Variants in NAMPT observed in about 807,000 individuals in gnomAD.
The protein encoded by NAMPT is NAmPRTase.
Under a neutral mutation model 58.7 loss-of-function variants are expected in NAMPT, and 7 were observed. That is an observed-to-expected ratio of 0.12 (90% CI 0.07 to 0.22). The LOEUF (loss-of-function observed/expected upper bound fraction) is 0.22. Among genes scored for constraint, NAMPT ranks in the 10% least tolerant of loss-of-function variants. NAMPT has a pLI of 1.00. For missense variants in NAMPT, 271 were observed against 567.9 expected (o/e 0.48, Z 5.31); for synonymous variants, 145 against 198.1 (o/e 0.73, Z 2.25).
At chr7:106,283,353 G>C (rs180868701) in intron 1 of NAMPT, among the ~76,000 whole-genome samples, 1 of 152,038 alleles carries the variant, frequency 6.6e-6, no homozygotes, top group East Asian at 1.9e-4. Flanking sequence ...ATGTATAATG[G>C]TTAGAGGAAC....
chr7:106,257,053 G>A (rs552293359), intron 8 of NAMPT, among the ~76,000 whole-genome samples: 3 of 151,778 alleles, frequency 2.0e-5, no homozygotes, highest in Admixed American at 6.6e-5. Context: ...GCACACGCCC[G>A]TAATCCCAGC....
intron 8 of NAMPT, among the ~76,000 whole-genome samples, chr7:106,258,463 C>A (rs1396796114): frequency 2.0e-5 from 3 of 152,100 alleles, no homozygotes; most frequent in African/African-American, 7.2e-5. Flanking sequence ...TGCAAATGGC[C>A]TACATTATGT....
At chr7:106,260,300 T>C (rs1022969746) in intron 8 of NAMPT, among the ~76,000 whole-genome samples, 4 of 152,216 alleles carry the variant, frequency 2.6e-5, no homozygotes, top group Non-Finnish European at 5.9e-5. Context: ...TCTGCACTCA[T>C]GGAGATGGCT....
At chr7:106,254,322 T>A in intron 9 of NAMPT, 42 bp downstream of exon 9, 1 of 1,603,680 alleles carries the variant, frequency 6.2e-7, no homozygotes, top group South Asian at 1.1e-5. Context: ...CCTAGATACA[T>A]AAGGAAGGTA....
chr7:106,281,421 C>CT (rs1224554157), intron 1 of NAMPT, among the ~76,000 whole-genome samples: 14 of 152,196 alleles, frequency 9.2e-5, no homozygotes, highest in African/African-American at 3.1e-4. Context: ...TTCAGTTATA[C>CT]TTTTTAACTG....
rs747461421 is a variant in NAMPT, at chr7:106,261,660, C to T, written c.1017G>A (p.Lys339=). 2.5e-6 allele frequency: 4 copies of T among 1,600,118 alleles called. No homozygotes were observed. The highest frequency in any genetic ancestry group is 2.2e-5 in the East Asian group (1 of 44,708). The part of the protein sequence containing the change: ...GKKFPVTENS[K]GYKLLPPYLR... ...GATAAGGTGGCAGCAACTTGTAACC[C>T]TTTGAGTTCTCAGTAACAGGAAACT... Residue 339 remains lysine, a synonymous_variant, in exon 8 of 11, where the codon AAG becomes AAA. Coordinates refer to ENST00000222553, the MANE Select transcript of NAMPT (RefSeq NM_005746.3).
At chr7:106,281,118 A>ATGAT (rs948901331) in intron 1 of NAMPT, among the ~76,000 whole-genome samples, 9 of 151,084 alleles carry the variant, frequency 6.0e-5, no homozygotes, top group African/African-American at 2.2e-4. Context: ...CCTAAGTCAA[A>ATGAT]TGATGGACAG....
chr7:106,262,901 GAACATT>G (rs750525324), intron 7 of NAMPT, among the ~76,000 whole-genome samples: 3 of 151,924 alleles, frequency 2.0e-5, no homozygotes, highest in Non-Finnish European at 4.4e-5. Flanking sequence ...CCAAGTCCTT[GAACATT>G]AACAACAAAA....
At chr7:106,285,702 CTCTG>C (rs934728143), upstream of NAMPT, 3 of 508,094 alleles carry the variant, frequency 5.9e-6, no homozygotes, top group Non-Finnish European at 7.6e-6. Context: ...CCTCCGGCGG[CTCTG>C]TCTATGGCTG....
intron 4 of NAMPT, chr7:106,270,341 A>AGG: frequency 2.9e-6 from 1 of 347,622 alleles, no homozygotes; most frequent in Non-Finnish European, 6.2e-6. Flanking sequence ...TGCTGAACCA[A>AGG]AAAGATATTA....
intron 10 of NAMPT, 67 bp downstream of exon 10, chr7:106,252,950 C>G: frequency 6.5e-7 from 1 of 1,540,112 alleles, no homozygotes; most frequent in Non-Finnish European, 8.8e-7. Context: ...ATAAAAACCT[C>G]CTTTCTTATT....
At chr7:106,267,864 A>AAAAAAAAAAAAAAAAC (rs1792453191) in intron 6 of NAMPT, among the ~76,000 whole-genome samples, 1 of 135,306 alleles carries the variant, frequency 7.4e-6, no homozygotes, top group Non-Finnish European at 1.6e-5. Flanking sequence ...AAAAAAAAAA[A>AAAAAAAAAAAAAAAAC]AAAAAAAAAA....
Position 106,265,228 on chromosome 7 carries a change from G to A in NAMPT, c.744-1611C>T, listed in dbSNP as rs141492840. On this transcript the variant is annotated intron_variant, in intron 6 of 10. Coordinates refer to ENST00000222553, the MANE Select transcript of NAMPT (RefSeq NM_005746.3). ...TACCAATACTGGAGAACTTTACAAC[G>A]TATGAATTAACTCCTACAGTTAAGG... Among the ~76,000 whole-genome samples, 414 of 152,158 alleles carry A rather than the reference G, an allele frequency of 2.7e-3. 2 individuals carry two copies. Among genetic ancestry groups the A allele is most frequent in the African/African-American group, 9.6e-3 (398 of 41,518 alleles).
At chr7:106,263,233 G>C in intron 7 of NAMPT, 159 bp downstream of exon 7, 1 of 618,954 alleles carries the variant, frequency 1.6e-6, no homozygotes. Context: ...ATTACTGTGT[G>C]ACCTCAGGCA....
chr7:106,273,776 T>C (rs1296400414), intron 3 of NAMPT, among the ~76,000 whole-genome samples: 2 of 152,174 alleles, frequency 1.3e-5, no homozygotes, highest in Non-Finnish European at 2.9e-5. Context: ...ACAGATTCTA[T>C]TGACCTTATT....
At chr7:106,260,146 T>TA (rs1207119270) in intron 8 of NAMPT, among the ~76,000 whole-genome samples, 1 of 152,242 alleles carries the variant, frequency 6.6e-6, no homozygotes, top group Non-Finnish European at 1.5e-5. Context: ...TCTCTCTAGT[T>TA]ATGAAAGTCC....
At chr7:106,284,999 G>A (rs1215454315), upstream of NAMPT, 4 of 1,455,836 alleles carry the variant, frequency 2.7e-6, no homozygotes, top group African/African-American at 2.8e-5. Flanking sequence ...GTCGGCGGAG[G>A]AGGGGGAGAG....
At chr7:106,268,309 T>G in intron 6 of NAMPT, 155 bp downstream of exon 6, 1 of 664,118 alleles carries the variant, frequency 1.5e-6, no homozygotes, top group Admixed American at 2.6e-5. Context: ...CTAAGACTAA[T>G]GTTTATACTT....
chr7:106,263,640 A>T, intron 6 of NAMPT, 23 bp from the exon 7 acceptor site: 1 of 1,552,774 alleles, frequency 6.4e-7, no homozygotes, highest in Non-Finnish European at 8.9e-7. Context: ...ATGAAAACAC[A>T]GATTTACTTA....
Sources: gnomAD v4.1 joint callset for allele counts (sites outside exome capture counted in the v4.1 genomes callset) on GRCh38, gnomAD v4.1.1 for gene constraint, MANE v1.5 for transcripts, NCBI Gene and HGNC (gene_info 2026-07-23, HGNC 2026-07-21) for gene names.